The following SLC9C1 variants were observed in gnomAD, a reference collection of about 807,000 sequenced individuals.
SLC9C1 encodes the protein solute carrier family 9 member C1.
Under a neutral mutation model 140.9 loss-of-function variants are expected in SLC9C1, and 97 were observed. That is an observed-to-expected ratio of 0.69 (90% CI 0.58 to 0.82). SLC9C1 has a LOEUF of 0.82. SLC9C1 is among the 40% of genes least tolerant of loss of function. The pLI, the probability that SLC9C1 is intolerant of heterozygous loss-of-function variation, is 0.00. For synonymous variants in SLC9C1, 440 were observed against 442.6 expected, an observed-to-expected ratio of 0.99 and a Z score of 0.07; for missense variants, 1,340 against 1,389.3, an observed-to-expected ratio of 0.96 and a Z score of 0.56.
chr3:112,203,630 T>C (rs2077965851), intron 17 of SLC9C1, among the ~76,000 whole-genome samples: 1 of 152,004 alleles, frequency 6.6e-6, no homozygotes, highest in Non-Finnish European at 1.5e-5. Context: ...GTGAAAAAGA[T>C]AGGAAAGAGA....
At chr3:112,200,890 A>G in intron 18 of SLC9C1, 128 bp from the exon 19 acceptor site, 2 of 791,224 alleles carry the variant, frequency 2.5e-6, no homozygotes, top group Non-Finnish European at 4.0e-6. Flanking sequence ...AGAGGTTTTC[A>G]GGGGTTCGAA....
intron 10 of SLC9C1, among the ~76,000 whole-genome samples, chr3:112,247,480 T>C (rs1011396800): frequency 4.6e-5 from 7 of 152,200 alleles, no homozygotes; most frequent in Non-Finnish European, 8.8e-5. Flanking sequence ...TCTTGTCACT[T>C]ATGACATCTC....
At chr3:112,181,023 T>G (rs2077429690) in intron 21 of SLC9C1, among the ~76,000 whole-genome samples, 1 of 152,230 alleles carries the variant, frequency 6.6e-6, no homozygotes, top group South Asian at 2.1e-4. Context: ...TCCAAAGTGC[T>G]TGGATTACAG....
chr3:112,179,798 T>A, intron 22 of SLC9C1, 97 bp from the exon 23 acceptor site: 1 of 928,932 alleles, frequency 1.1e-6, no homozygotes, highest in Non-Finnish European at 1.5e-6. Context: ...TGAACAATTC[T>A]AATATTTACA....
chr3:112,153,220 T>A (rs988241631), intron 27 of SLC9C1, among the ~76,000 whole-genome samples: 1 of 152,234 alleles, frequency 6.6e-6, no homozygotes, highest in Admixed American at 6.5e-5. Flanking sequence ...ATTTTCACAC[T>A]CCTGCTTCAT....
chr3:112,156,349 G>C (rs2075127453), intron 26 of SLC9C1, among the ~76,000 whole-genome samples: 1 of 151,766 alleles, frequency 6.6e-6, no homozygotes, highest in African/African-American at 2.4e-5. Context: ...TTTTTTAATG[G>C]CTAGATAATA....
intron 23 of SLC9C1, among the ~76,000 whole-genome samples, chr3:112,178,137 ATT>A (rs113311369): frequency 4.2e-5 from 6 of 143,208 alleles, no homozygotes. Context: ...ACCACTACAT[ATT>A]TTTTTTTTTT....
chr3:112,210,281 A>C (rs1415011587), intron 15 of SLC9C1, among the ~76,000 whole-genome samples: 1 of 152,236 alleles, frequency 6.6e-6, no homozygotes, highest in East Asian at 1.9e-4. Context: ...TAAACTGATG[A>C]ATGGGTAAAT....
chr3:112,198,636 G>T (rs930476539), intron 20 of SLC9C1, among the ~76,000 whole-genome samples: 1 of 151,608 alleles, frequency 6.6e-6, no homozygotes, highest in Non-Finnish European at 1.5e-5. Flanking sequence ...CTTAATGAGG[G>T]TTAAATTTTA....
intron 7 of SLC9C1, among the ~76,000 whole-genome samples, chr3:112,269,235 G>C (rs1324370421): frequency 6.6e-6 from 1 of 152,024 alleles, no homozygotes; most frequent in Non-Finnish European, 1.5e-5. Context: ...TCAGGCTCCT[G>C]AGGAGCTGGG....
chr3:112,291,091 T>C (rs950842278), intron 1 of SLC9C1, among the ~76,000 whole-genome samples: 1 of 152,204 alleles, frequency 6.6e-6, no homozygotes, highest in Admixed American at 6.5e-5. Flanking sequence ...CAGCATGATG[T>C]TAGCTGGTGA....
At chr3:112,218,818 C>T (rs754012690) in intron 14 of SLC9C1, among the ~76,000 whole-genome samples, 18 of 152,094 alleles carry the variant, frequency 1.2e-4, no homozygotes, top group Non-Finnish European at 2.5e-4. Context: ...CTTTGCAGCA[C>T]AAATTACTGA....
Position 112,274,984 on chromosome 3 carries a change from G to A in SLC9C1, c.526C>T (p.Leu176=), listed in dbSNP as rs80212815. 5.6e-3 allele frequency: 8,921 copies of A among 1,579,568 alleles called. 206 individuals carry two copies. The East Asian group carries it at 0.077, about 14-fold the overall frequency. The change falls in exon 6 of 29, where the codon CTG becomes TTG. Residue 176 remains leucine (L), a synonymous_variant. Transcript: ENST00000305815. ...ATTAATGATATAACAGAGGTCATCAGACTTTCTCCATTAATTAAACTGATG... is the reference window on the plus strand; with the variant it reads ...ATTAATGATATAACAGAGGTCATCAAACTTTCTCCATTAATTAAACTGATG... ...SLISLINGES[L]MTSVISLITF... is the part of the protein sequence containing the mutation.
At chr3:112,220,947 T>C (rs2078523591) in intron 14 of SLC9C1, among the ~76,000 whole-genome samples, 181 bp downstream of exon 14, 1 of 152,092 alleles carries the variant, frequency 6.6e-6, no homozygotes, top group Non-Finnish European at 1.5e-5. Flanking sequence ...TTTGGGAAAC[T>C]GAAAATAGGT....
intron 2 of SLC9C1, among the ~76,000 whole-genome samples, chr3:112,281,402 G>C (rs1217991501): frequency 2.6e-5 from 4 of 152,166 alleles, no homozygotes; most frequent in African/African-American, 9.7e-5. Flanking sequence ...GGGAGAAAAG[G>C]CTCTCCGATG....
At chr3:112,153,325 A>G (rs1315958932) in intron 27 of SLC9C1, among the ~76,000 whole-genome samples, 2 of 149,508 alleles carry the variant, frequency 1.3e-5, no homozygotes, top group Non-Finnish European at 3.0e-5. Context: ...TCCTTCTTCA[A>G]TCCCTCCAAA....
chr3:112,189,078 T>C (rs2077596892), intron 20 of SLC9C1, among the ~76,000 whole-genome samples: 1 of 98,088 alleles, frequency 1.0e-5, no homozygotes, highest in African/African-American at 3.4e-5. Flanking sequence ...ATGGGGTTGT[T>C]TGTTTTTTTC....
At chr3:112,226,115 T>C (rs1405949075) in intron 13 of SLC9C1, among the ~76,000 whole-genome samples, 1 of 152,146 alleles carries the variant, frequency 6.6e-6, no homozygotes, top group Non-Finnish European at 1.5e-5. Flanking sequence ...ACACAGATCA[T>C]TCTCCAGGAT....
intron 2 of SLC9C1, among the ~76,000 whole-genome samples, chr3:112,283,061 G>A (rs1222404359): frequency 6.6e-6 from 1 of 152,176 alleles, no homozygotes; most frequent in East Asian, 1.9e-4. Flanking sequence ...TTTTACCGAG[G>A]AGTAAACATG....
Sources: gnomAD v4.1 joint callset for allele counts (sites outside exome capture counted in the v4.1 genomes callset) on GRCh38, gnomAD v4.1.1 for gene constraint, MANE v1.5 for transcripts, NCBI Gene and HGNC (gene_info 2026-07-23, HGNC 2026-07-21) for gene names.